CDH4: variants seen among roughly 807,000 people sequenced by gnomAD.
CDH4 encodes cadherin-4.
A neutral mutation model predicts 86.0 loss-of-function variants in CDH4; 33 were observed. The ratio of observed to expected loss-of-function variants is 0.38; its 90% confidence interval spans 0.29 to 0.51. CDH4 has a LOEUF of 0.51. CDH4 is among the 20% of genes least tolerant of loss of function. The pLI is 0.86. For missense variants in CDH4, 1,114 were observed against 1,307.4 expected (o/e 0.85, Z 2.28); for synonymous variants, 555 against 549.4 (o/e 1.01, Z -0.14).
In CDH4 at chr20:61,674,264, G is replaced by A. The variant is rs371074858; in HGVS notation, c.170-69299G>A. 8.5e-4 allele frequency among the ~76,000 whole-genome samples: 129 copies of A among 152,300 alleles called. 3 individuals carry two copies. In the South Asian group the frequency reaches 0.021, roughly 24 times the overall value. Reference sequence around the variant, plus strand: ...CGGAGAGACACAGGGTGACAAGGGCGAGGTGGAGGAGAGGTGGAGGGAGGG... The same window carrying A: ...CGGAGAGACACAGGGTGACAAGGGCAAGGTGGAGGAGAGGTGGAGGGAGGG... On this transcript the variant is annotated intron_variant, in intron 2 of 15. Transcript: ENST00000614565.
chr20:61,609,875 T>C (rs1433933170), intron 2 of CDH4, among the ~76,000 whole-genome samples: 1 of 152,230 alleles, frequency 6.6e-6, no homozygotes, highest in Admixed American at 6.5e-5. Flanking sequence ...CATTAATATG[T>C]CAGTTGTACA....
chr20:61,380,038 A>C (rs200231835), intron 2 of CDH4, among the ~76,000 whole-genome samples: 2 of 152,178 alleles, frequency 1.3e-5, no homozygotes, highest in East Asian at 3.9e-4. Context: ...TGTCCCTTTG[A>C]ATATTCAACA....
chr20:61,425,054 G>C (rs945311772), intron 2 of CDH4, among the ~76,000 whole-genome samples: 1 of 152,220 alleles, frequency 6.6e-6, no homozygotes, highest in Non-Finnish European at 1.5e-5. Context: ...CCCCAGCTCT[G>C]TGCCAGGCAT....
chr20:61,670,268 A>G (rs1039311580), intron 2 of CDH4, among the ~76,000 whole-genome samples: 10 of 152,184 alleles, frequency 6.6e-5, no homozygotes, highest in Non-Finnish European at 4.4e-5. Flanking sequence ...CCTCACCCCC[A>G]TGCTGGTCCC....
At chr20:61,666,137 CAAGT>C (rs1458649706) in intron 2 of CDH4, among the ~76,000 whole-genome samples, 1 of 152,196 alleles carries the variant, frequency 6.6e-6, no homozygotes, top group Admixed American at 6.5e-5. Context: ...TCCTGGCTTG[CAAGT>C]AAGGCCATGG....
intron 2 of CDH4, among the ~76,000 whole-genome samples, chr20:61,430,029 G>A (rs79708354): frequency 0.02 from 3,059 of 152,294 alleles, 103 homozygotes; most frequent in African/African-American, 0.069. Flanking sequence ...TGGCCCAGCC[G>A]CAGAGATTCT....
intron 2 of CDH4, among the ~76,000 whole-genome samples, chr20:61,471,347 G>A (rs1017524976): frequency 1.3e-5 from 2 of 151,668 alleles, no homozygotes; most frequent in South Asian, 2.1e-4. Context: ...GATCCTTTGC[G>A]TTTCTGTGTT....
chr20:61,823,556 A>G (rs924530162), intron 4 of CDH4, among the ~76,000 whole-genome samples: 14 of 152,186 alleles, frequency 9.2e-5, no homozygotes, highest in African/African-American at 3.4e-4. Flanking sequence ...CCCACTTTAT[A>G]GATGAGGAGA....
intron 4 of CDH4, among the ~76,000 whole-genome samples, chr20:61,817,728 A>G (rs1980798225): frequency 6.6e-6 from 1 of 152,236 alleles, no homozygotes; most frequent in African/African-American, 2.4e-5. Flanking sequence ...CTGCCTGGAC[A>G]GTGGGTCAGC....
At position 61,284,149 on chromosome 20, in the gene CDH4, C is replaced by CA. The variant is rs5842344; in HGVS notation, c.169+29228dup. On this transcript the variant is annotated intron_variant, in intron 2 of 15. Transcript: ENST00000614565. The stretch of plus-strand genomic sequence containing the variant: ...TGAAAACCCATCTCTACTAAAAATA[C>CA]AAAAAAAAAAAAAAAACTGGCCTGG... Among the ~76,000 whole-genome samples, 459 of 136,504 alleles carry CA rather than the reference C, an allele frequency of 3.4e-3. 2 individuals are homozygous for CA. The highest frequency in any genetic ancestry group is 7.6e-3 in the Middle Eastern group (2 of 264). The allele number at this position is 136,504 out of a possible 152,430, so 89.6% of individuals were successfully genotyped here.
At chr20:61,421,025 C>T (rs531920059) in intron 2 of CDH4, among the ~76,000 whole-genome samples, 3 of 152,362 alleles carry the variant, frequency 2.0e-5, no homozygotes, top group African/African-American at 7.2e-5. Flanking sequence ...GGATGGGTCT[C>T]AGACGTGCTG....
chr20:61,884,522 C>T (rs759596937), intron 7 of CDH4, among the ~76,000 whole-genome samples: 4 of 151,012 alleles, frequency 2.6e-5, no homozygotes, highest in Non-Finnish European at 4.4e-5. Context: ...TGGGGCTCCC[C>T]GTGTGGCCGT....
intron 3 of CDH4, among the ~76,000 whole-genome samples, chr20:61,765,153 T>C (rs963748292): frequency 3.3e-5 from 5 of 152,056 alleles, no homozygotes; most frequent in Middle Eastern, 3.2e-3. Context: ...ACTGGGCAGG[T>C]AGGCTCTGAC....
intron 2 of CDH4, among the ~76,000 whole-genome samples, chr20:61,661,570 T>C (rs1481376799): frequency 1.3e-5 from 2 of 151,196 alleles, no homozygotes. Flanking sequence ...CTACAGTTGA[T>C]GCCATCTGCG....
chr20:61,303,401 A>G (rs2084396176), intron 2 of CDH4, among the ~76,000 whole-genome samples: 1 of 152,224 alleles, frequency 6.6e-6, no homozygotes, highest in Non-Finnish European at 1.5e-5. Context: ...GGTGGGGGAC[A>G]GCAAGGGGCT....
At chr20:61,726,288 G>A (rs941078970) in intron 2 of CDH4, among the ~76,000 whole-genome samples, 25 of 152,148 alleles carry the variant, frequency 1.6e-4, no homozygotes, top group Non-Finnish European at 5.9e-5. Context: ...GCCTCATGGT[G>A]GAGTGAGTTA....
At chr20:61,910,697 G>A (rs1287607773) in intron 9 of CDH4, 90 bp downstream of exon 9, 2 of 1,213,550 alleles carry the variant, frequency 1.6e-6, no homozygotes, top group South Asian at 1.4e-5. Flanking sequence ...GATACTCGGT[G>A]TAAAGTTACT....
intron 2 of CDH4, among the ~76,000 whole-genome samples, chr20:61,258,275 A>T (rs922972071): frequency 5.0e-5 from 7 of 139,718 alleles, no homozygotes; most frequent in African/African-American, 1.9e-4. Flanking sequence ...GCTTGCAGTG[A>T]GTCGAGATCG....
At chr20:61,786,500 C>T (rs1019538773) in intron 4 of CDH4, among the ~76,000 whole-genome samples, 3 of 152,108 alleles carry the variant, frequency 2.0e-5, no homozygotes, top group African/African-American at 7.2e-5. Flanking sequence ...GTGAAAGGAA[C>T]AGGCAGGCCC....
Sources: allele counts gnomAD v4.1 joint callset (sites outside exome capture counted in the v4.1 genomes callset), GRCh38; gene constraint gnomAD v4.1.1; transcripts MANE v1.5; gene names NCBI Gene and HGNC (gene_info 2026-07-23, HGNC 2026-07-21).